The following EZR variants were observed in gnomAD, a reference collection of about 807,000 sequenced individuals.
EZR encodes ezrin.
In EZR, 40 loss-of-function variants were observed where a neutral mutation model predicts 74.8. That is an observed-to-expected ratio of 0.53 (90% confidence interval 0.42 to 0.70). The LOEUF (loss-of-function observed/expected upper bound fraction) is 0.70, where lower values mean the gene tolerates loss of function less well. Among genes scored for constraint, EZR ranks in the 30% least tolerant of loss-of-function variants. The pLI is 0.00. For missense variants in EZR, 678 were observed against 755.8 expected, an observed-to-expected ratio of 0.90 and a Z score of 1.21; for synonymous variants, 341 against 283.3, an observed-to-expected ratio of 1.20 and a Z score of -2.05.
chr6:158,798,740 T>C (rs1303100857), intron 2 of EZR, among the ~76,000 whole-genome samples: 1 of 149,464 alleles, frequency 6.7e-6, no homozygotes, highest in Non-Finnish European at 1.5e-5. Context: ...CAAGAGATTC[T>C]CCCACCTTAG....
chr6:158,810,347 C>T (rs1777427311), intron 2 of EZR, among the ~76,000 whole-genome samples: 2 of 152,210 alleles, frequency 1.3e-5, no homozygotes, highest in Admixed American at 6.5e-5. Context: ...TCCCTCCACA[C>T]TTACCCAAAG....
At chr6:158,799,809 T>A (rs1777153451) in intron 2 of EZR, among the ~76,000 whole-genome samples, 1 of 152,256 alleles carries the variant, frequency 6.6e-6, no homozygotes, top group Admixed American at 6.5e-5. Context: ...TAGGTTTTTT[T>A]AAAGCTCTTC....
chr6:158,818,316 T>A (rs1008959188), intron 1 of EZR, 150 bp from the exon 2 acceptor site: 2 of 291,652 alleles, frequency 6.9e-6, no homozygotes, highest in African/African-American at 2.3e-5. Context: ...ACTGCGGGCA[T>A]GGGGAGGGGG....
At chr6:158,809,712 G>T (rs3127183) in intron 2 of EZR, among the ~76,000 whole-genome samples, 118,739 of 152,264 alleles carry the variant, frequency 0.78, 48,197 homozygotes, top group African/African-American at 0.91. Flanking sequence ...TACAAGGTTA[G>T]AATAAATGCT....
chr6:158,804,257 T>C (rs1398332002), intron 2 of EZR, among the ~76,000 whole-genome samples: 2 of 152,170 alleles, frequency 1.3e-5, no homozygotes, highest in African/African-American at 4.8e-5. Context: ...CTGGAATTCT[T>C]AGACACCACT....
In EZR at chr6:158,785,464, G is replaced by A; in HGVS notation, c.312C>T (p.Leu104=). 1 of 1,614,206 alleles carries A rather than the reference G, an allele frequency of 6.2e-7. No homozygotes were observed. Among genetic ancestry groups the A allele is most frequent in the Non-Finnish European group, 8.5e-7 (1 of 1,180,036 alleles). The change falls in exon 5 of 14, where the codon CTC becomes CTT. Residue 104 remains leucine, a synonymous_variant. Transcript: ENST00000367075. ...CGCTAAGGATTCCTTCCTTCACTTGGAGGAAGAAAAGTTTCTGGGTGATGT... is the reference window on the plus strand; with the variant it reads ...CGCTAAGGATTCCTTCCTTCACTTGAAGGAAGAAAAGTTTCTGGGTGATGT... ...IQDITQKLFF[L]QVKEGILSDE... is the part of the protein sequence containing the mutation.
At chr6:158,786,701 T>TATCC (rs1791591824) in intron 4 of EZR, among the ~76,000 whole-genome samples, 1 of 152,230 alleles carries the variant, frequency 6.6e-6, no homozygotes, top group Non-Finnish European at 1.5e-5. Flanking sequence ...AAGAAAATGT[T>TATCC]TATCTTACTA....
chr6:158,801,609 T>C (rs551761797), intron 2 of EZR, among the ~76,000 whole-genome samples: 2 of 152,356 alleles, frequency 1.3e-5, no homozygotes, highest in South Asian at 4.1e-4. Context: ...AGTTTTCATA[T>C]AATTATATAA....
chr6:158,775,131 C>T (rs1459599779), intron 8 of EZR, among the ~76,000 whole-genome samples: 1 of 146,762 alleles, frequency 6.8e-6, no homozygotes, highest in Non-Finnish European at 1.5e-5. Flanking sequence ...TTCCTGGGTT[C>T]AAGCGATTCT....
intron 2 of EZR, among the ~76,000 whole-genome samples, chr6:158,806,467 T>TC (rs1189587836): frequency 6.8e-6 from 1 of 147,540 alleles, no homozygotes; most frequent in African/African-American, 2.5e-5. Context: ...TTTCTTCTAC[T>TC]CTACCACTTT....
At chr6:158,816,521 T>C (rs1777557929) in intron 2 of EZR, among the ~76,000 whole-genome samples, 1 of 152,226 alleles carries the variant, frequency 6.6e-6, no homozygotes, top group Non-Finnish European at 1.5e-5. Context: ...CCGCATACCG[T>C]TGCACTCAGC....
chr6:158,769,660 G>T (rs1436159755), intron 11 of EZR, 124 bp downstream of exon 11: 2 of 1,397,084 alleles, frequency 1.4e-6, no homozygotes, highest in Non-Finnish European at 2.0e-6. Context: ...GCTGCCTTCA[G>T]CCCCCCAGCA....
intron 2 of EZR, among the ~76,000 whole-genome samples, chr6:158,815,765 C>A (rs1199852264): frequency 6.6e-6 from 1 of 152,146 alleles, no homozygotes; most frequent in Admixed American, 6.6e-5. Context: ...CAGGCCACCT[C>A]GCCTGGCCTC....
In EZR at chr6:158,766,743, A is replaced by T. The variant is rs1240080055; in HGVS notation, c.*171T>A. ...GCACTATTACAACTGGGGAAAACAA[A>T]CCAGGGCGCCTCCCTGGTTCCCAGC... On this transcript the variant is annotated 3_prime_UTR_variant, in exon 14 of 14. Coordinates refer to ENST00000367075, the MANE Select transcript of EZR (RefSeq NM_001111077.2). 2 of 693,326 alleles carry T rather than the reference A, an allele frequency of 2.9e-6. No homozygotes were observed. Among genetic ancestry groups the T allele is most frequent in the Non-Finnish European group, 5.0e-6 (2 of 402,574 alleles). 42.9% of individuals were successfully genotyped at this position (693,326 alleles called of 1,614,324 possible). A position where few individuals can be genotyped will look rare whatever the true frequency, so the allele number is the denominator to read the frequency against.
intron 12 of EZR, among the ~76,000 whole-genome samples, 196 bp from the exon 13 acceptor site, chr6:158,767,708 A>C (rs572750359): frequency 3.3e-5 from 5 of 152,132 alleles, no homozygotes; most frequent in Admixed American, 2.0e-4. Flanking sequence ...AGGAAGAGGA[A>C]CTGTGATGCC....
rs149497711 is a variant in EZR, at chr6:158,790,706, A to C, written c.13-1335T>G. 2.9e-3 allele frequency among the ~76,000 whole-genome samples: 442 copies of C among 152,192 alleles called. 2 individuals are homozygous for C. Among genetic ancestry groups the C allele is most frequent in the African/African-American group, 0.01 (420 of 41,534 alleles). On this transcript the variant is annotated intron_variant, in intron 2 of 13. Coordinates refer to ENST00000367075, the MANE Select transcript of EZR (RefSeq NM_001111077.2). Reference sequence around the variant, plus strand: ...ACAAACAAAAAAAACCCACCACCACAACAACAAAACAACCCACTTACATCA... The same window carrying C: ...ACAAACAAAAAAAACCCACCACCACCACAACAAAACAACCCACTTACATCA...
chr6:158,773,297 G>C (rs1562491391), intron 8 of EZR, among the ~76,000 whole-genome samples: 1 of 152,200 alleles, frequency 6.6e-6, no homozygotes, highest in Non-Finnish European at 1.5e-5. Flanking sequence ...ACGGGAACCA[G>C]AATTTGGGGA....
chr6:158,790,241 T>C (rs1276970399), intron 2 of EZR, among the ~76,000 whole-genome samples: 1 of 152,180 alleles, frequency 6.6e-6, no homozygotes, highest in Non-Finnish European at 1.5e-5. Flanking sequence ...TCAATGCAAA[T>C]GTGAACTCTG....
chr6:158,803,582 CATATATATAT>C (rs60495898), intron 2 of EZR, among the ~76,000 whole-genome samples: 3 of 43,668 alleles, frequency 6.9e-5, no homozygotes, highest in Non-Finnish European at 1.5e-4. Flanking sequence ...TATATATATA[CATATATATAT>C]ATATATATAT....
Sources: gnomAD v4.1 joint callset for allele counts (sites outside exome capture counted in the v4.1 genomes callset) on GRCh38, gnomAD v4.1.1 for gene constraint, MANE v1.5 for transcripts, NCBI Gene and HGNC (gene_info 2026-07-23, HGNC 2026-07-21) for gene names.